OGG1: variants seen among roughly 807,000 people sequenced by gnomAD.
The protein encoded by OGG1 is 8-oxoguanine DNA glycosylase.
In OGG1, 35 loss-of-function variants were observed where a neutral mutation model predicts 42.3. The ratio of observed to expected loss-of-function variants is 0.83; its 90% confidence interval spans 0.63 to 1.10. The LOEUF (loss-of-function observed/expected upper bound fraction) is 1.10, where lower values mean the gene tolerates loss of function less well. Among genes scored for constraint, OGG1 ranks in the 50% least tolerant of loss-of-function variants. The probability of loss-of-function intolerance (pLI) is 0.00; values close to 1 mark genes in which losing one functional copy is unlikely to be tolerated. For synonymous variants in OGG1, 189 were observed against 179.0 expected, an observed-to-expected ratio of 1.06 and a Z score of -0.44; for missense variants, 484 against 446.7, an observed-to-expected ratio of 1.08 and a Z score of -0.75.
chr3:9,787,896 CAAGAGGGAGAG>C (rs2078653671), exon 4 of OGG1: 1 of 385,512 alleles, frequency 2.6e-6, no homozygotes, highest in Admixed American at 3.6e-5. Flanking sequence ...GTCAAGGAGA[CAAGAGGGAGAG>C]AAGAGCTTGC....
chr3:9,787,240 T>C, intron 3 of OGG1: 1 of 1,614,234 alleles, frequency 6.2e-7, no homozygotes, highest in Non-Finnish European at 8.5e-7. Flanking sequence ...GAGGCCTTTC[T>C]TCTTGTCAGC....
exon 8 of OGG1, chr3:9,766,350 T>C (rs1365230753): frequency 3.0e-6 from 2 of 670,640 alleles, no homozygotes; most frequent in Non-Finnish European, 5.5e-6. Context: ...ATGTGTACAG[T>C]TGGTTCATCC....
At chr3:9,763,807 G>A (rs1189742915) in intron 7 of OGG1, among the ~76,000 whole-genome samples, 1 of 152,066 alleles carries the variant, frequency 6.6e-6, no homozygotes, top group South Asian at 2.1e-4. Context: ...CCAACATGGC[G>A]AAAACCCATC....
At chr3:9,773,245 A>G (rs2078323610) in intron 2 of OGG1, among the ~76,000 whole-genome samples, 2 of 151,274 alleles carry the variant, frequency 1.3e-5, no homozygotes, top group Admixed American at 1.3e-4. Context: ...AAAAAAAAAA[A>G]GTGGCTGGGT....
At chr3:9,759,605 A>G (rs758422677), downstream of OGG1, 6 of 1,614,010 alleles carry the variant, frequency 3.7e-6, no homozygotes, top group African/African-American at 4.0e-5. Flanking sequence ...TGGGTTGCCT[A>G]TGAGGGCAGA....
chr3:9,787,871 G>A, exon 4 of OGG1: 1 of 449,458 alleles, frequency 2.2e-6, no homozygotes, highest in South Asian at 1.9e-5. Context: ...GGGCCTTGAA[G>A]GGTGAGTCAA....
At chr3:9,790,103 A>C, downstream of OGG1, 1 of 1,097,440 alleles carries the variant, frequency 9.1e-7, no homozygotes, top group Non-Finnish European at 1.2e-6. Flanking sequence ...GTAAACTCTT[A>C]CTCATCCTTC....
chr3:9,781,609 G>C (rs904303572), intron 3 of OGG1: 1 of 455,858 alleles, frequency 2.2e-6, no homozygotes, highest in African/African-American at 2.0e-5. Flanking sequence ...AGGTGGGTGA[G>C]ACACCAGATC....
Position 9,751,160 on chromosome 3 carries a change from C to A in OGG1, c.353C>A (p.Ser118Tyr). Residue 118 changes from serine to tyrosine, a missense_variant, in exon 2 of 7, where the codon TCC becomes TAC. Physicochemically the swap from Ser to Tyr is moderately radical, Grantham distance 144. Coordinates refer to ENST00000344629, the MANE Select transcript of OGG1 (RefSeq NM_002542.6). ...QLYHHWGSVDSHFQEVAQKFQ... is the reference protein window; with the variant it reads ...QLYHHWGSVDYHFQEVAQKFQ... ...TATCACCACTGGGGTTCCGTGGACTCCCACTTCCAAGAGGTGGCTCAGAAA... is the reference window on the plus strand; with the variant it reads ...TATCACCACTGGGGTTCCGTGGACTACCACTTCCAAGAGGTGGCTCAGAAA... 1 of 1,614,152 alleles carries A rather than the reference C, an allele frequency of 6.2e-7. No individual in the cohort carries two copies. Among genetic ancestry groups the A allele is most frequent in the South Asian group, 1.1e-5 (1 of 91,054 alleles).
At chr3:9,764,628 G>GTTTTTTTTT (rs55972033) in intron 7 of OGG1, among the ~76,000 whole-genome samples, 1 of 92,326 alleles carries the variant, frequency 1.1e-5, no homozygotes, top group African/African-American at 4.3e-5. Context: ...TTTTTTTTTT[G>GTTTTTTTTT]TTTTTTTTTT....
downstream of OGG1, among the ~76,000 whole-genome samples, chr3:9,768,576 A>C (rs997058408): frequency 6.6e-6 from 1 of 152,112 alleles, no homozygotes; most frequent in Non-Finnish European, 1.5e-5. Flanking sequence ...CCCTAATGAC[A>C]CCTGGCCTGG....
At chr3:9,765,535 CA>C (rs1307768258) in intron 7 of OGG1, among the ~76,000 whole-genome samples, 1 of 152,200 alleles carries the variant, frequency 6.6e-6, no homozygotes, top group Non-Finnish European at 1.5e-5. Context: ...TGTGACTAAG[CA>C]CTGGCACCTC....
chr3:9,787,589 G>A, intron 3 of OGG1: 1 of 1,055,318 alleles, frequency 9.5e-7, no homozygotes. Flanking sequence ...AAGATAGAAG[G>A]TGCAGAATAC....
chr3:9,783,282 A>G lies in OGG1; in HGVS notation c.382+1682A>G, dbSNP rs1006925526. 3.3e-5 allele frequency: 5 copies of G among 152,184 alleles called. No homozygotes were observed. The East Asian group carries it at 7.7e-4, about 23-fold the overall frequency. The allele number at this position is 152,184 out of a possible 1,614,324, so 9.4% of individuals were successfully genotyped here. A position where few individuals can be genotyped will look rare whatever the true frequency, so the allele number is the denominator to read the frequency against. On this transcript the variant is annotated intron_variant, in intron 3 of 3. Coordinates refer to the OGG1 transcript ENST00000426518. ...CAATGTGAATATGGGTAACACTACT[A>G]AACTGTACACTTAAAAATGGTTAAG...
chr3:9,755,302 A>G (rs1419604935), intron 4 of OGG1, among the ~76,000 whole-genome samples: 1 of 152,148 alleles, frequency 6.6e-6, no homozygotes, highest in East Asian at 1.9e-4. Flanking sequence ...GCCCTCAAGC[A>G]GTGTTCCTGC....
exon 4 of OGG1, chr3:9,787,741 A>G: frequency 7.8e-7 from 1 of 1,283,998 alleles, no homozygotes; most frequent in Non-Finnish European, 1.0e-6. Flanking sequence ...AATTTTTAAG[A>G]AATCAGATAA....
chr3:9,754,788 A>G lies in OGG1; in HGVS notation c.650A>G (p.Glu217Gly). The change falls in exon 4 of 7, where the codon GAA (glutamate) becomes GGA (glycine). Residue 217 changes from glutamate to glycine, a missense_variant. Physicochemically the swap from Glu to Gly is moderately conservative, Grantham distance 98 (BLOSUM62 -2). Coordinates refer to ENST00000344629, the MANE Select transcript of OGG1 (RefSeq NM_002542.6). ...YVSASARAIL[E>G]EQGGLAWLQQ... ...AGTGCCAGTGCCCGAGCCATCCTGGAAGAACAGGGCGGGCTAGCCTGGCTG... is the reference window on the plus strand; with the variant it reads ...AGTGCCAGTGCCCGAGCCATCCTGGGAGAACAGGGCGGGCTAGCCTGGCTG... 2 of 1,613,918 alleles carry G rather than the reference A, an allele frequency of 1.2e-6. No individual in the cohort carries two copies. Among genetic ancestry groups the G allele is most frequent in the Non-Finnish European group, 1.7e-6 (2 of 1,179,926 alleles).
chr3:9,765,662 A>G (rs1483621632), intron 7 of OGG1: 2 of 1,391,194 alleles, frequency 1.4e-6, no homozygotes, highest in Non-Finnish European at 2.0e-6. Flanking sequence ...TTTAAGGCTT[A>G]GAGAGTTTAA....
chr3:9,767,525 G>T (rs185010329), downstream of OGG1: 247 of 1,002,004 alleles, frequency 2.5e-4, 1 homozygote, highest in African/African-American at 3.6e-3. Flanking sequence ...GAAGTGAAAA[G>T]CTGGGGACAG....
Sources: allele counts gnomAD v4.1 joint callset (sites outside exome capture counted in the v4.1 genomes callset), GRCh38; gene constraint gnomAD v4.1.1; transcripts MANE v1.5; gene names NCBI Gene and HGNC (gene_info 2026-07-23, HGNC 2026-07-21).